APP: variants seen among roughly 807,000 people sequenced by gnomAD.
APP encodes the protein amyloid-beta precursor protein.
APP carries 31 observed loss-of-function variants against 101.4 expected under a neutral mutation model. That is an observed-to-expected ratio of 0.31 (90% CI 0.23 to 0.41). The LOEUF is 0.41. Ranked by LOEUF, APP falls within the 10% of genes least tolerant of loss-of-function variation. APP has a pLI of 1.00. For missense variants in APP, 839 were observed against 1,003.7 expected (o/e 0.84, Z 2.22); for synonymous variants, 366 against 364.4 (o/e 1.00, Z -0.05).
chr21:26,103,322 T>G (rs1037387461), intron 2 of APP, among the ~76,000 whole-genome samples: 4 of 152,110 alleles, frequency 2.6e-5, no homozygotes, highest in Non-Finnish European at 4.4e-5. Flanking sequence ...ATTCTGTCGA[T>G]GGAAGGCTGG....
At chr21:26,055,823 G>A (rs1014213611) in intron 3 of APP, among the ~76,000 whole-genome samples, 7 of 152,216 alleles carry the variant, frequency 4.6e-5, no homozygotes, top group Admixed American at 2.6e-4. Flanking sequence ...AAATCAGTTC[G>A]TGAGAAGAGC....
intron 11 of APP, among the ~76,000 whole-genome samples, chr21:25,967,297 G>A (rs1012043339): frequency 1.3e-5 from 2 of 152,148 alleles, no homozygotes; most frequent in African/African-American, 4.8e-5. Context: ...GGTTTCAATC[G>A]TTAAGACACT....
At chr21:26,022,187 G>A in intron 5 of APP, 145 bp from the exon 6 acceptor site, 1 of 1,013,072 alleles carries the variant, frequency 9.9e-7, no homozygotes, top group Admixed American at 1.8e-5. Flanking sequence ...ATAAATCCCA[G>A]CTCAGTGGGT....
At chr21:25,952,092 T>C (rs1037201197) in intron 13 of APP, among the ~76,000 whole-genome samples, 2 of 152,010 alleles carry the variant, frequency 1.3e-5, no homozygotes, top group African/African-American at 4.8e-5. Context: ...TAAAAAAGAT[T>C]ATCTTTCAGA....
intron 11 of APP, among the ~76,000 whole-genome samples, chr21:25,958,326 G>C (rs1056662607): frequency 7.2e-5 from 11 of 152,110 alleles, no homozygotes; most frequent in African/African-American, 2.7e-4. Flanking sequence ...TCCCAGGCTG[G>C]AGTGCAGTGG....
chr21:26,152,689 C>G (rs2063302279), intron 1 of APP, among the ~76,000 whole-genome samples: 1 of 152,084 alleles, frequency 6.6e-6, no homozygotes, highest in East Asian at 1.9e-4. Flanking sequence ...AAAAATTATT[C>G]TCTCAGAATG....
At chr21:26,047,910 T>C (rs878910030) in intron 5 of APP, among the ~76,000 whole-genome samples, 1 of 152,242 alleles carries the variant, frequency 6.6e-6, no homozygotes, top group Non-Finnish European at 1.5e-5. Context: ...AACTATCTTA[T>C]TAAATTTTTC....
intron 1 of APP, among the ~76,000 whole-genome samples, chr21:26,115,415 G>T (rs953441570): frequency 3.3e-5 from 5 of 152,152 alleles, no homozygotes; most frequent in African/African-American, 1.2e-4. Flanking sequence ...TATTCTTACT[G>T]AAGCCCATCT....
intron 11 of APP, among the ~76,000 whole-genome samples, chr21:25,962,316 T>C (rs190280381): frequency 1.3e-3 from 196 of 152,290 alleles, no homozygotes; most frequent in Non-Finnish European, 1.3e-3. Context: ...AAGAGAAACA[T>C]AAGATTTACA....
intron 1 of APP, among the ~76,000 whole-genome samples, chr21:26,151,866 G>A (rs779249397): frequency 6.6e-6 from 1 of 152,140 alleles, no homozygotes; most frequent in African/African-American, 2.4e-5. Context: ...AGGGACTCCT[G>A]ATTCACAGCA....
intron 5 of APP, among the ~76,000 whole-genome samples, chr21:26,034,621 G>A (rs370765111): frequency 3.1e-5 from 4 of 130,434 alleles, no homozygotes; most frequent in Admixed American, 9.1e-5. Context: ...CAGCCTGGGC[G>A]ACAGAGCAAG....
chr21:25,896,067 C>T (rs1282587688), intron 16 of APP, among the ~76,000 whole-genome samples: 1 of 152,148 alleles, frequency 6.6e-6, no homozygotes, highest in Non-Finnish European at 1.5e-5. Context: ...CATTAATCGT[C>T]AGCTTTCTAC....
At chr21:25,999,839 T>C (rs1487980752) in intron 7 of APP, among the ~76,000 whole-genome samples, 176 bp downstream of exon 7, 2 of 152,198 alleles carry the variant, frequency 1.3e-5, no homozygotes, top group African/African-American at 4.8e-5. Context: ...CGGAGAGGTG[T>C]GCTCATGATT....
intron 17 of APP, among the ~76,000 whole-genome samples, chr21:25,890,401 T>A (rs1396686406): frequency 6.6e-6 from 1 of 152,248 alleles, no homozygotes; most frequent in Non-Finnish European, 1.5e-5. Context: ...TTGGGGATAG[T>A]GGAATCTTCA....
chr21:25,957,190 C>T (rs1354784004), intron 11 of APP, among the ~76,000 whole-genome samples: 1 of 152,204 alleles, frequency 6.6e-6, no homozygotes, highest in Non-Finnish European at 1.5e-5. Flanking sequence ...TCACAGCTTG[C>T]AACAGTTCTT....
chr21:26,068,772 A>C lies in APP; in HGVS notation c.356-15424T>G, dbSNP rs1235383048. ...CTCCTCTTTTCATAATTCTGATTAT[A>C]AAGTAAGGCTCTGTCTTCTACTCTT... On this transcript the variant is annotated intron_variant, in intron 3 of 17. Coordinates refer to ENST00000346798, the MANE Select transcript of APP (RefSeq NM_000484.4). Among the ~76,000 whole-genome samples, 6 of 131,260 alleles carry C rather than the reference A, an allele frequency of 4.6e-5. No homozygotes were observed. The Admixed American group carries it at 4.7e-4, about 10-fold the overall frequency. The allele number at this position is 131,260 out of a possible 152,430, so 86.1% of individuals were successfully genotyped here.
intron 2 of APP, among the ~76,000 whole-genome samples, chr21:26,095,004 C>T (rs1000453355): frequency 3.9e-5 from 6 of 152,146 alleles, no homozygotes; most frequent in Admixed American, 2.6e-4. Flanking sequence ...CACTACCACA[C>T]CCGGCTAATT....
chr21:25,940,726 G>A (rs1177855998), intron 13 of APP, among the ~76,000 whole-genome samples: 1 of 152,152 alleles, frequency 6.6e-6, no homozygotes, highest in African/African-American at 2.4e-5. Context: ...ATAGGTGACT[G>A]GGGTGCTACA....
At chr21:25,952,694 G>A (rs745545078) in intron 13 of APP, among the ~76,000 whole-genome samples, 8 of 152,022 alleles carry the variant, frequency 5.3e-5, no homozygotes, top group Non-Finnish European at 1.0e-4. Flanking sequence ...TATTACCTAT[G>A]CCACTTCAAC....
Sources: allele counts gnomAD v4.1 joint callset (sites outside exome capture counted in the v4.1 genomes callset), GRCh38; gene constraint gnomAD v4.1.1; transcripts MANE v1.5; gene names NCBI Gene and HGNC (gene_info 2026-07-23, HGNC 2026-07-21).